MORC1: variants seen among roughly 807,000 people sequenced by gnomAD.
MORC1 encodes MORC family CW-type zinc finger 1, also known as MORC family CW-type zinc finger protein 1.
Under a neutral mutation model 134.9 loss-of-function variants are expected in MORC1, and 59 were observed. The observed-to-expected ratio is 0.44, with a 90% CI of 0.35 to 0.54. The LOEUF (loss-of-function observed/expected upper bound fraction) is 0.54. MORC1 is among the 20% of genes least tolerant of loss of function. The probability of loss-of-function intolerance (pLI) is 0.00; values close to 1 mark genes in which losing one functional copy is unlikely to be tolerated. For missense variants in MORC1, 947 were observed against 1,134.5 expected, an observed-to-expected ratio of 0.83 and a Z score of 2.37; for synonymous variants, 395 against 391.7, an observed-to-expected ratio of 1.01 and a Z score of -0.10.
At chr3:108,981,133 A>G (rs962151819) in intron 23 of MORC1, among the ~76,000 whole-genome samples, 2 of 152,186 alleles carry the variant, frequency 1.3e-5, no homozygotes, top group Non-Finnish European at 2.9e-5. Context: ...GCAGTACGAC[A>G]TGGGAAATGG....
intron 6 of MORC1, among the ~76,000 whole-genome samples, chr3:109,095,529 G>A (rs554854344): frequency 6.6e-6 from 1 of 152,244 alleles, no homozygotes; most frequent in South Asian, 2.1e-4. Flanking sequence ...GTAGCATTTA[G>A]ATCCCCATCA....
At chr3:108,989,325 A>G (rs1033068132) in intron 21 of MORC1, among the ~76,000 whole-genome samples, 5 of 152,198 alleles carry the variant, frequency 3.3e-5, no homozygotes, top group African/African-American at 1.2e-4. Context: ...ATATCATGAA[A>G]TAGACAACAC....
intron 14 of MORC1, among the ~76,000 whole-genome samples, chr3:109,043,271 C>T (rs1158812418): frequency 4.0e-5 from 6 of 149,792 alleles, no homozygotes; most frequent in Non-Finnish European, 1.5e-5. Context: ...CATGGATGAA[C>T]TTTGAGGACA....
At chr3:109,045,342 G>GT (rs5851636) in intron 14 of MORC1, among the ~76,000 whole-genome samples, 40,099 of 152,014 alleles carry the variant, frequency 0.26, 5,525 homozygotes, top group Middle Eastern at 0.44. Context: ...TAAAGCTAAT[G>GT]TAACAGCCAG....
intron 22 of MORC1, among the ~76,000 whole-genome samples, chr3:108,986,498 A>G (rs1294618653): frequency 3.3e-5 from 5 of 152,192 alleles, no homozygotes; most frequent in Non-Finnish European, 7.3e-5. Context: ...GAAAGTTACT[A>G]AAAGATGAAA....
chr3:109,003,529 T>G (rs1327579660), intron 20 of MORC1, among the ~76,000 whole-genome samples: 1 of 152,014 alleles, frequency 6.6e-6, no homozygotes, highest in East Asian at 1.9e-4. Context: ...TTTTAGAGCA[T>G]GCAACATATC....
In MORC1 at chr3:108,971,399, C is replaced by T. The variant is rs1183532765; in HGVS notation, c.2481G>A (p.Glu827=). 6.2e-7 allele frequency: 1 copy of T among 1,611,508 alleles called. No homozygotes were observed. The highest frequency in any genetic ancestry group is 8.5e-7 in the Non-Finnish European group (1 of 1,177,832). ...GCTCAGGAAAAAAATACAGAAGAAT[C>T]TCCCTAGGAATACAAGCACAGCAGA... The part of the protein sequence containing the change: ...TVRKLKSKLR[E]ILLYFFPEHQ... Residue 827 remains glutamate, a synonymous_variant, in exon 25 of 28, where the codon GAG becomes GAA. Coordinates refer to ENST00000232603, the MANE Select transcript of MORC1 (RefSeq NM_014429.4).
intron 17 of MORC1, among the ~76,000 whole-genome samples, chr3:109,008,338 C>T (rs1414304069): frequency 6.6e-6 from 1 of 152,062 alleles, no homozygotes; most frequent in Non-Finnish European, 1.5e-5. Context: ...TGCTAAATTT[C>T]TCCACCAGGC....
At position 108,971,366 on chromosome 3, in the gene MORC1, T is replaced by C; in HGVS notation, c.2514A>G (p.Leu838=). ...ILLYFFPEHQ[L]PSELEEPALS... The stretch of plus-strand genomic sequence containing the variant: ...ATGCAGGTTCTTCCAATTCTGATGG[T>C]AGCTGATGCTCAGGAAAAAAATACA... The change falls in exon 25 of 28, where the codon CTA becomes CTG. Residue 838 remains leucine, a synonymous_variant. Coordinates refer to ENST00000232603, the MANE Select transcript of MORC1 (RefSeq NM_014429.4). 1 of 1,613,640 alleles carries C rather than the reference T, an allele frequency of 6.2e-7. No homozygotes were observed. Among genetic ancestry groups the C allele is most frequent in the South Asian group, 1.1e-5 (1 of 91,044 alleles).
intron 17 of MORC1, among the ~76,000 whole-genome samples, chr3:109,019,766 T>C (rs780910645): frequency 2.0e-5 from 3 of 152,230 alleles, no homozygotes; most frequent in Non-Finnish European, 4.4e-5. Flanking sequence ...ACATTCTAAG[T>C]GTTATTATCA....
chr3:109,000,523 C>T, intron 21 of MORC1, 34 bp downstream of exon 21: 2 of 1,454,760 alleles, frequency 1.4e-6, no homozygotes. Context: ...ATATGAAAAT[C>T]TCAAGGTGTC....
chr3:109,071,336 T>C (rs921551712), intron 8 of MORC1, among the ~76,000 whole-genome samples: 2 of 150,636 alleles, frequency 1.3e-5, no homozygotes, highest in South Asian at 2.1e-4. Flanking sequence ...CACACACATA[T>C]ATGTGTGTAT....
At chr3:108,994,129 G>C (rs1336745817) in intron 21 of MORC1, among the ~76,000 whole-genome samples, 4 of 152,082 alleles carry the variant, frequency 2.6e-5, no homozygotes, top group Admixed American at 2.0e-4. Flanking sequence ...ACAGGAAGAT[G>C]GTTCCATCTA....
intron 6 of MORC1, among the ~76,000 whole-genome samples, chr3:109,098,746 T>C (rs1390106562): frequency 6.6e-6 from 1 of 152,208 alleles, no homozygotes; most frequent in Non-Finnish European, 1.5e-5. Flanking sequence ...CCTTATTTTG[T>C]GATAAAGCTG....
rs369497112 is a variant in MORC1, at chr3:108,959,120, C to G, written c.2800G>C (p.Gly934Arg). The part of the protein sequence containing the change: ...LALLLQKLQL[G>R]GPEGDLEQTD... Reference sequence around the variant, plus strand: ...TGCTCCAGGTCACCTTCTGGACCACCCTGGAAAAGAGAAGCAACAGTCACA... The same window carrying G: ...TGCTCCAGGTCACCTTCTGGACCACGCTGGAAAAGAGAAGCAACAGTCACA... The change falls in exon 28 of 28, where the codon GGT (glycine) becomes CGT (arginine). Residue 934 changes from glycine (G) to arginine (R), a missense_variant and splice_region_variant. Physicochemically the swap from Gly to Arg is moderately radical, Grantham distance 125 (BLOSUM62 -2). Transcript: ENST00000232603. 4.5e-5 allele frequency: 70 copies of G among 1,572,084 alleles called. No individual in the cohort carries two copies. In the African/African-American group the frequency reaches 8.8e-4, roughly 20 times the overall value.
chr3:108,982,583 TG>T lies in MORC1; in HGVS notation c.2324+2132del, dbSNP rs61336975. The stretch of plus-strand genomic sequence containing the variant: ...TCACACACGGGGACCTGTCGTGGGA[TG>T]GGGGGGGCAGGGGGAGGGATAGCAT... On this transcript the variant is annotated intron_variant, in intron 23 of 27. Transcript: ENST00000232603. Among the ~76,000 whole-genome samples, 15 of 126,446 alleles carry T rather than the reference TG, an allele frequency of 1.2e-4. No individual in the cohort carries two copies. The East Asian group carries it at 1.8e-3, about 15-fold the overall frequency. The allele number at this position is 126,446 out of a possible 152,430, so 83.0% of individuals were successfully genotyped here.
chr3:108,981,029 A>G (rs1947703182), intron 23 of MORC1, among the ~76,000 whole-genome samples: 1 of 152,170 alleles, frequency 6.6e-6, no homozygotes, highest in Non-Finnish European at 1.5e-5. Flanking sequence ...ACATGGCTGC[A>G]GCATGAAAAA....
chr3:109,097,677 G>A (rs1950853738), intron 6 of MORC1, among the ~76,000 whole-genome samples: 1 of 152,148 alleles, frequency 6.6e-6, no homozygotes, highest in African/African-American at 2.4e-5. Flanking sequence ...TGAGACTGGG[G>A]TTAACACAGT....
chr3:109,069,333 G>A (rs1331658977), intron 9 of MORC1, among the ~76,000 whole-genome samples: 2 of 152,124 alleles, frequency 1.3e-5, no homozygotes, highest in Non-Finnish European at 2.9e-5. Context: ...CGTGAACTGT[G>A]ATCATTTAGT....
Sources: gnomAD v4.1 joint callset for allele counts (sites outside exome capture counted in the v4.1 genomes callset) on GRCh38, gnomAD v4.1.1 for gene constraint, MANE v1.5 for transcripts, NCBI Gene and HGNC (gene_info 2026-07-23, HGNC 2026-07-21) for gene names.